The following PDE7B variants were observed in gnomAD, a reference collection of about 807,000 sequenced individuals.
The protein encoded by PDE7B is phosphodiesterase 7B.
PDE7B carries 29 observed loss-of-function variants against 56.2 expected under a neutral mutation model. The ratio of observed to expected loss-of-function variants is 0.52; its 90% CI spans 0.38 to 0.70. PDE7B has a LOEUF of 0.70. Among genes scored for constraint, PDE7B ranks in the 30% least tolerant of loss-of-function variants. The probability of loss-of-function intolerance (pLI) is 0.00; values close to 1 mark genes in which losing one functional copy is unlikely to be tolerated. For missense variants in PDE7B, 490 were observed against 565.0 expected (o/e 0.87, Z 1.35); for synonymous variants, 197 against 196.9 (o/e 1.00, Z 0.00).
chr6:136,106,217 A>T (rs1175905508), intron 2 of PDE7B, among the ~76,000 whole-genome samples: 3 of 152,250 alleles, frequency 2.0e-5, no homozygotes, highest in African/African-American at 7.2e-5. Context: ...TTTTTACTGT[A>T]TATGTCTCCC....
At chr6:136,106,702 T>C (rs1429857413) in intron 2 of PDE7B, among the ~76,000 whole-genome samples, 1 of 152,088 alleles carries the variant, frequency 6.6e-6, no homozygotes, top group Non-Finnish European at 1.5e-5. Context: ...GAAGGTCCAA[T>C]GAGAAAAAAC....
chr6:135,968,016 A>G (rs1775026253), intron 2 of PDE7B, among the ~76,000 whole-genome samples: 1 of 152,218 alleles, frequency 6.6e-6, no homozygotes, highest in East Asian at 1.9e-4. Flanking sequence ...CTTTTTGGCA[A>G]CACTGAAACA....
intron 3 of PDE7B, 47 bp from the exon 4 acceptor site, chr6:136,147,304 G>C: frequency 3.8e-6 from 5 of 1,302,784 alleles, no homozygotes; most frequent in Non-Finnish European, 5.3e-6. Flanking sequence ...GAGAAAATTG[G>C]CTCTCTTTTA....
chr6:136,009,645 G>C (rs1775853728), intron 2 of PDE7B, among the ~76,000 whole-genome samples: 1 of 152,162 alleles, frequency 6.6e-6, no homozygotes, highest in Non-Finnish European at 1.5e-5. Context: ...GTCTGTTATT[G>C]ATGTATAAGA....
chr6:136,088,144 C>T (rs916510090), intron 2 of PDE7B, among the ~76,000 whole-genome samples: 3 of 152,076 alleles, frequency 2.0e-5, no homozygotes, highest in African/African-American at 7.2e-5. Flanking sequence ...AAGTAGACTG[C>T]GGCTAAGGAG....
chr6:136,167,210 G>C (rs887972942), intron 8 of PDE7B, among the ~76,000 whole-genome samples: 1 of 152,068 alleles, frequency 6.6e-6, no homozygotes, highest in Admixed American at 6.6e-5. Context: ...TTCTCTCCAT[G>C]CATTTACTAT....
chr6:135,971,615 A>C (rs530319121), intron 2 of PDE7B, among the ~76,000 whole-genome samples: 1 of 152,306 alleles, frequency 6.6e-6, no homozygotes, highest in African/African-American at 2.4e-5. Flanking sequence ...GACATTACTG[A>C]ATTGGAGTGT....
chr6:135,937,608 G>C (rs773318334), intron 1 of PDE7B, among the ~76,000 whole-genome samples: 1 of 152,178 alleles, frequency 6.6e-6, no homozygotes, highest in Middle Eastern at 3.2e-3. Flanking sequence ...TATTCAGAAA[G>C]TTTTCCACAA....
rs113966859 is a variant in PDE7B, at chr6:135,861,128, G to GA, written c.21+9112dup. 2.5e-3 allele frequency among the ~76,000 whole-genome samples: 386 copies of GA among 151,934 alleles called. 2 individuals are homozygous for GA. Among genetic ancestry groups the GA allele is most frequent in the African/African-American group, 9.0e-3 (374 of 41,504 alleles). On this transcript the variant is annotated intron_variant, in intron 1 of 12. Coordinates refer to ENST00000308191, the MANE Select transcript of PDE7B (RefSeq NM_018945.4). ...ACACGGTATTTACCATTCTACTGTA[G>GA]AAAGCATTTTAATTGTATCCAGTTT...
chr6:136,151,189 C>T lies in PDE7B; in HGVS notation c.412C>T (p.Leu138Phe). ...CAGCCTGGTAACACTGTTGTGCCACCTCTTCAATACCCATGGACTCATTCA... is the reference window on the plus strand; with the variant it reads ...CAGCCTGGTAACACTGTTGTGCCACTTCTTCAATACCCATGGACTCATTCA... ...GNSLVTLLCH[L>F]FNTHGLIHHF... The change falls in exon 6 of 13, where the codon CTC becomes TTC. Residue 138 changes from leucine (L) to phenylalanine (F), a missense_variant. Transcript: ENST00000308191. The T allele has an allele frequency of 6.2e-7, 1 of 1,610,916 alleles. No individual in the cohort carries two copies. The highest frequency in any genetic ancestry group is 1.1e-5 in the South Asian group (1 of 90,940).
At chr6:136,035,004 A>G (rs1162176174) in intron 2 of PDE7B, 1 of 152,156 alleles carries the variant, frequency 6.6e-6, no homozygotes, top group African/African-American at 2.4e-5. Context: ...AGTTCTCATT[A>G]TTTTGGGTTG....
chr6:135,998,977 A>G (rs1775616351), intron 2 of PDE7B, among the ~76,000 whole-genome samples: 1 of 152,084 alleles, frequency 6.6e-6, no homozygotes, highest in Non-Finnish European at 1.5e-5. Flanking sequence ...GGGAAAACTA[A>G]TTTTGCTAAT....
chr6:136,078,342 C>G (rs1777154200), intron 2 of PDE7B, among the ~76,000 whole-genome samples: 1 of 152,074 alleles, frequency 6.6e-6, no homozygotes, highest in South Asian at 2.1e-4. Context: ...TAACTAAGAC[C>G]ATTCAGCCTT....
At chr6:135,890,794 G>A (rs1775797621) in intron 1 of PDE7B, among the ~76,000 whole-genome samples, 1 of 152,142 alleles carries the variant, frequency 6.6e-6, no homozygotes, top group Non-Finnish European at 1.5e-5. Context: ...ATGGGAAAAC[G>A]AGCATGGTCC....
At chr6:135,937,667 T>C (rs1343377866) in intron 1 of PDE7B, among the ~76,000 whole-genome samples, 1 of 152,180 alleles carries the variant, frequency 6.6e-6, no homozygotes, top group African/African-American at 2.4e-5. Context: ...GGGACCCCTT[T>C]TTCCCAAATC....
chr6:136,174,371 G>T lies in PDE7B; in HGVS notation c.803+483G>T, dbSNP rs3778287. On this transcript the variant is annotated intron_variant, in intron 9 of 12. Transcript: ENST00000308191. ...TGTCTTTTGCTAAGTAATTGAAATG[G>T]CCCTAGCATTTTTTTCACCAATTAA... Among the ~76,000 whole-genome samples, 202 of 152,166 alleles carry T rather than the reference G, an allele frequency of 1.3e-3. 5 individuals are homozygous for T. The East Asian group carries it at 0.037, about 28-fold the overall frequency.
chr6:135,944,782 T>A (rs548196911), intron 1 of PDE7B, among the ~76,000 whole-genome samples: 1 of 152,336 alleles, frequency 6.6e-6, no homozygotes, highest in East Asian at 1.9e-4. Flanking sequence ...GTGGCACATA[T>A]AAGGCTGCCC....
At chr6:136,026,877 T>C (rs781722826) in intron 2 of PDE7B, among the ~76,000 whole-genome samples, 3 of 152,252 alleles carry the variant, frequency 2.0e-5, no homozygotes, top group Non-Finnish European at 4.4e-5. Context: ...TAATCTGCTA[T>C]TCACTGAATG....
At chr6:136,178,206 G>C (rs1485394832) in intron 9 of PDE7B, among the ~76,000 whole-genome samples, 1 of 152,136 alleles carries the variant, frequency 6.6e-6, no homozygotes. Flanking sequence ...ATGACCTCTG[G>C]GGTACTGGCA....
Sources: gnomAD v4.1 joint callset for allele counts (sites outside exome capture counted in the v4.1 genomes callset) on GRCh38, gnomAD v4.1.1 for gene constraint, MANE v1.5 for transcripts, NCBI Gene and HGNC (gene_info 2026-07-23, HGNC 2026-07-21) for gene names.